The following POU6F2 variants were observed in gnomAD, a reference collection of about 807,000 sequenced individuals.
The protein encoded by POU6F2 is POU class 6 homeobox 2.
A neutral mutation model predicts 71.3 loss-of-function variants in POU6F2; 31 were observed. The ratio of observed to expected loss-of-function variants is 0.43; its 90% CI spans 0.33 to 0.59. The LOEUF is 0.59. Ranked by LOEUF, POU6F2 falls within the 20% of genes least tolerant of loss-of-function variation. The pLI is 0.04. For synonymous variants in POU6F2, 347 were observed against 355.7 expected, an observed-to-expected ratio of 0.98 and a Z score of 0.27; for missense variants, 783 against 856.8, an observed-to-expected ratio of 0.91 and a Z score of 1.07.
At chr7:39,116,226 A>T (rs113815500) in intron 2 of POU6F2, among the ~76,000 whole-genome samples, 2,618 of 152,196 alleles carry the variant, frequency 0.017, 67 homozygotes, top group African/African-American at 0.06. Context: ...CTCTATAAAA[A>T]ATTTAAAAAT....
chr7:39,007,768 T>C (rs1030972447), intron 1 of POU6F2, among the ~76,000 whole-genome samples: 3 of 151,466 alleles, frequency 2.0e-5, no homozygotes, highest in Non-Finnish European at 4.4e-5. Flanking sequence ...TGAGTGAGAA[T>C]ATGCGGTGTT....
At chr7:39,260,036 C>A (rs1350926917) in intron 4 of POU6F2, among the ~76,000 whole-genome samples, 1 of 151,592 alleles carries the variant, frequency 6.6e-6, no homozygotes, top group Non-Finnish European at 1.5e-5. Flanking sequence ...ACCACACATA[C>A]AATACCACGT....
At chr7:39,133,171 T>A (rs1792324220) in intron 2 of POU6F2, among the ~76,000 whole-genome samples, 1 of 152,256 alleles carries the variant, frequency 6.6e-6, no homozygotes, top group Non-Finnish European at 1.5e-5. Flanking sequence ...GCAAACTACC[T>A]GGGCCAGGAG....
chr7:39,080,523 A>T (rs1414905133), intron 1 of POU6F2, among the ~76,000 whole-genome samples: 1 of 152,226 alleles, frequency 6.6e-6, no homozygotes, highest in Non-Finnish European at 1.5e-5. Flanking sequence ...AAAATCCAAT[A>T]CATTTTTTTT....
intron 2 of POU6F2, among the ~76,000 whole-genome samples, chr7:39,148,146 G>A (rs574312798): frequency 6.6e-6 from 1 of 152,308 alleles, no homozygotes; most frequent in East Asian, 1.9e-4. Context: ...GCACAGAACA[G>A]AAAGGAATTT....
chr7:39,077,755 T>C (rs577766619), intron 1 of POU6F2, among the ~76,000 whole-genome samples: 2 of 152,362 alleles, frequency 1.3e-5, no homozygotes, highest in East Asian at 1.9e-4. Context: ...TATTATTTTT[T>C]TTCTTTCAAG....
intron 4 of POU6F2, among the ~76,000 whole-genome samples, chr7:39,257,372 T>G (rs760305126): frequency 2.1e-4 from 26 of 125,986 alleles, no homozygotes; most frequent in Non-Finnish European, 3.8e-4. Flanking sequence ...ATGCCTTAGA[T>G]AAAATTTTCC....
chr7:39,042,770 C>T (rs2128712202), intron 1 of POU6F2, among the ~76,000 whole-genome samples: 1 of 152,044 alleles, frequency 6.6e-6, no homozygotes, highest in Middle Eastern at 3.4e-3. Flanking sequence ...GCTGGAGACC[C>T]ATTGAGATGC....
intron 1 of POU6F2, among the ~76,000 whole-genome samples, chr7:39,024,983 C>T (rs1304986700): frequency 6.6e-6 from 1 of 152,150 alleles, no homozygotes; most frequent in Non-Finnish European, 1.5e-5. Flanking sequence ...GGTTGTGTCT[C>T]TGTCCAGCTT....
At chr7:39,014,465 A>G (rs1048074097) in intron 1 of POU6F2, among the ~76,000 whole-genome samples, 1 of 152,194 alleles carries the variant, frequency 6.6e-6, no homozygotes, top group Non-Finnish European at 1.5e-5. Context: ...TTGTTTAGCA[A>G]TTTTTAATGT....
chr7:39,155,639 GT>G (rs1248251378), intron 2 of POU6F2, among the ~76,000 whole-genome samples: 4 of 152,114 alleles, frequency 2.6e-5, no homozygotes, highest in Non-Finnish European at 5.9e-5. Flanking sequence ...GTATTGAAAT[GT>G]TTTACTCTCA....
intron 1 of POU6F2, among the ~76,000 whole-genome samples, chr7:39,012,880 G>C (rs963643714): frequency 4.6e-5 from 7 of 152,144 alleles, no homozygotes; most frequent in South Asian, 2.1e-4. Flanking sequence ...CAGTCTGCCG[G>C]TTCTCAGATC....
chr7:39,269,916 C>A (rs561905126), intron 4 of POU6F2, among the ~76,000 whole-genome samples: 1 of 152,134 alleles, frequency 6.6e-6, no homozygotes, highest in African/African-American at 2.4e-5. Context: ...CCAGACTCAT[C>A]AAGGCTGGAA....
intron 2 of POU6F2, among the ~76,000 whole-genome samples, chr7:39,115,509 C>T (rs113194543): frequency 6.6e-6 from 1 of 152,156 alleles, no homozygotes; most frequent in African/African-American, 2.4e-5. Context: ...GTCTCCTTCA[C>T]ATGAAGTTCC....
rs985291638 is a variant in POU6F2, at chr7:39,339,610, T to C, written c.599-32T>C. On this transcript the variant is annotated intron_variant, in intron 4 of 9. Coordinates refer to ENST00000518318, the MANE Select transcript of POU6F2 (RefSeq NM_001370959.1). Reference sequence around the variant, plus strand: ...CCCAGCAAGACACTTTGTCATGTTATCTCACTCCACATTCGCTTTCTCTCC... The same window carrying C: ...CCCAGCAAGACACTTTGTCATGTTACCTCACTCCACATTCGCTTTCTCTCC... The C allele has an allele frequency of 8.4e-6, 13 of 1,554,478 alleles. No individual in the cohort carries two copies. In the Admixed American group the frequency reaches 1.8e-4, roughly 21 times the overall value.
At chr7:39,038,501 G>T (rs1409118866) in intron 1 of POU6F2, among the ~76,000 whole-genome samples, 1 of 151,858 alleles carries the variant, frequency 6.6e-6, no homozygotes, top group South Asian at 2.1e-4. Flanking sequence ...CCAAGCACCC[G>T]CCACAACACA....
At chr7:39,399,193 C>G (rs1404043784) in intron 5 of POU6F2, among the ~76,000 whole-genome samples, 2 of 152,320 alleles carry the variant, frequency 1.3e-5, no homozygotes, top group South Asian at 2.1e-4. Flanking sequence ...TCCTGGCCAG[C>G]TTATTTTTTC....
intron 5 of POU6F2, among the ~76,000 whole-genome samples, chr7:39,374,446 T>C (rs1480897617): frequency 1.3e-5 from 2 of 152,174 alleles, no homozygotes; most frequent in African/African-American, 4.8e-5. Context: ...ACTGACAGCT[T>C]TCTGGGTCTG....
At position 39,122,520 on chromosome 7, in the gene POU6F2, A is replaced by G. The variant is rs116175466; in HGVS notation, c.277+36489A>G. 9.1e-4 allele frequency among the ~76,000 whole-genome samples: 139 copies of G among 152,318 alleles called. No individual in the cohort carries two copies. The Middle Eastern group carries it at 0.01, about 11-fold the overall frequency. ...AAACACAAGTATTTTAAAAGACAGC[A>G]TGAAGTGTGCATATAACAGCAGAGG... is the stretch of plus-strand genomic sequence containing the variant. On this transcript the variant is annotated intron_variant, in intron 2 of 9. Transcript: ENST00000518318.
Sources: allele counts gnomAD v4.1 joint callset (sites outside exome capture counted in the v4.1 genomes callset), GRCh38; gene constraint gnomAD v4.1.1; transcripts MANE v1.5; gene names NCBI Gene and HGNC (gene_info 2026-07-23, HGNC 2026-07-21).